Variants in SOCS2 observed in about 807,000 individuals in gnomAD.
The protein encoded by SOCS2 is suppressor of cytokine signaling 2, also known as CIS-2.
In SOCS2, 10 loss-of-function variants were observed where a neutral mutation model predicts 18.6. That is an observed-to-expected ratio of 0.54 (90% CI 0.33 to 0.91). The LOEUF is 0.91. SOCS2 is among the 40% of genes least tolerant of loss of function. The pLI, the probability that SOCS2 is intolerant of heterozygous loss-of-function variation, is 0.02. For missense variants in SOCS2, 231 were observed against 247.2 expected (o/e 0.93, Z 0.44); for synonymous variants, 104 against 104.0 (o/e 1.00, Z 0.00).
At chr12:93,583,408 TAAAGG>T (rs1954564104) in exon 2 of SOCS2, 1 of 152,010 alleles carries the variant, frequency 6.6e-6, no homozygotes, top group Non-Finnish European at 1.5e-5. Context: ...AAGAAAAAAG[TAAAGG>T]AAACAAAAAA....
chr12:93,598,195 G>T, the SOCS2 span, among the ~76,000 whole-genome samples: 1 of 152,194 alleles, frequency 6.6e-6, no homozygotes, highest in South Asian at 2.1e-4. Context: ...AAACCTGATT[G>T]ATGAGAAGGA....
chr12:93,570,012 G>C (rs1318693639), upstream of SOCS2: 1 of 152,238 alleles, frequency 6.6e-6, no homozygotes, highest in Non-Finnish European at 1.5e-5. Context: ...GCGCAGACAA[G>C]GAGATGAGTT....
the SOCS2 span, among the ~76,000 whole-genome samples, chr12:93,593,251 C>T: frequency 7.7e-3 from 1,180 of 152,260 alleles, 18 homozygotes; most frequent in African/African-American, 0.028. Flanking sequence ...GATCCTGCCT[C>T]CAGTGGGATA....
chr12:93,604,534 A>G, the SOCS2 span, among the ~76,000 whole-genome samples: 1 of 152,246 alleles, frequency 6.6e-6, no homozygotes, highest in African/African-American at 2.4e-5. Context: ...CAATGTTTTA[A>G]GAAAAAAAAC....
At chr12:93,571,221 C>T (rs1954240025), upstream of SOCS2, 1 of 152,412 alleles carries the variant, frequency 6.6e-6, no homozygotes, top group Non-Finnish European at 1.5e-5. Flanking sequence ...CGGCAGGTAC[C>T]GGTAGTGGGG....
Position 93,575,159 on chromosome 12 carries a change from G to T in SOCS2, c.577G>T (p.Glu193Ter). ...AACAAGACTAAAAGATTACTTGGAA[G>T]AATATAAATTCCAGGTATAAATGTT... is the stretch of plus-strand genomic sequence containing the variant. ...LPTRLKDYLE[E>*]YKFQV Residue 193 changes from glutamate (E) to a stop codon, truncating the protein, a stop_gained, in exon 2 of 2, where the codon GAA (glutamate) becomes TAA (stop). Coordinates refer to ENST00000551556, the MANE Select transcript of SOCS2 (RefSeq NM_001270471.2). LOFTEE classifies it high-confidence loss of function. 1 of 1,548,240 alleles carries T rather than the reference G, an allele frequency of 6.5e-7. No homozygotes were observed. Among genetic ancestry groups the T allele is most frequent in the East Asian group, 2.3e-5 (1 of 44,422 alleles).
At chr12:93,613,198 A>G in the SOCS2 span, among the ~76,000 whole-genome samples, 1 of 152,236 alleles carries the variant, frequency 6.6e-6, no homozygotes, top group Non-Finnish European at 1.5e-5. Flanking sequence ...TTGAATGAGA[A>G]TAAAGAGCCT....
the SOCS2 span, among the ~76,000 whole-genome samples, chr12:93,625,680 G>A: frequency 2.7e-5 from 4 of 150,438 alleles, no homozygotes; most frequent in African/African-American, 7.4e-5. Context: ...CCTGGGAGGC[G>A]GAGGTTGCAA....
chr12:93,620,486 A>T, the SOCS2 span, among the ~76,000 whole-genome samples: 4 of 151,442 alleles, frequency 2.6e-5, no homozygotes, highest in African/African-American at 9.7e-5. Context: ...CACGATCTCG[A>T]CTCACTGCAA....
the SOCS2 span, among the ~76,000 whole-genome samples, chr12:93,619,357 A>C: frequency 6.6e-6 from 1 of 152,178 alleles, no homozygotes; most frequent in African/African-American, 2.4e-5. Context: ...GCCCCAGAAC[A>C]GGGCAGGAAG....
the SOCS2 span, among the ~76,000 whole-genome samples, chr12:93,617,693 TA>T: frequency 0.05 from 7,298 of 145,022 alleles, 360 homozygotes; most frequent in African/African-American, 0.14. Context: ...CATATAAATG[TA>T]AAAAAAAAAA....
chr12:93,605,414 T>A, the SOCS2 span, among the ~76,000 whole-genome samples: 1 of 152,172 alleles, frequency 6.6e-6, no homozygotes, highest in Admixed American at 6.5e-5. Flanking sequence ...TGTCAGAAAT[T>A]GGGTGGATGA....
At chr12:93,601,325 A>T in the SOCS2 span, among the ~76,000 whole-genome samples, 2 of 151,956 alleles carry the variant, frequency 1.3e-5, no homozygotes, top group Non-Finnish European at 2.9e-5. Context: ...CCCAAGCTGG[A>T]GTGCAGCGGT....
At chr12:93,587,844 C>T (rs1249747097), downstream of SOCS2, among the ~76,000 whole-genome samples, 1 of 152,124 alleles carries the variant, frequency 6.6e-6, no homozygotes, top group African/African-American at 2.4e-5. Context: ...TAGGAGATAA[C>T]CCTAAGTTGG....
At chr12:93,597,283 T>C in the SOCS2 span, among the ~76,000 whole-genome samples, 2 of 152,304 alleles carry the variant, frequency 1.3e-5, no homozygotes, top group Non-Finnish European at 2.9e-5. Flanking sequence ...TTCCTAACCC[T>C]TTGCAGCTGC....
the SOCS2 span, among the ~76,000 whole-genome samples, chr12:93,606,216 A>T: frequency 6.6e-6 from 1 of 152,178 alleles, no homozygotes; most frequent in Non-Finnish European, 1.5e-5. Flanking sequence ...AAAGCTGGGA[A>T]ATTTGGTCTT....
At chr12:93,581,617 G>T (rs1168122400), downstream of SOCS2, among the ~76,000 whole-genome samples, 3 of 152,182 alleles carry the variant, frequency 2.0e-5, no homozygotes, top group South Asian at 2.1e-4. Context: ...TAATAGATCA[G>T]GGCCTCTTTT....
intron 1 of SOCS2, 101 bp from the exon 2 acceptor site, chr12:93,574,621 T>C: frequency 1.3e-6 from 1 of 783,330 alleles, no homozygotes; most frequent in Non-Finnish European, 1.9e-6. Flanking sequence ...TTTTCTTTTT[T>C]AGAGCTAAAA....
At position 93,574,743 on chromosome 12, in the gene SOCS2, C is replaced by A. The variant is rs763643934; in HGVS notation, c.161C>A (p.Thr54Asn). 2 of 1,612,752 alleles carry A rather than the reference C, an allele frequency of 1.2e-6. No homozygotes were observed. Among genetic ancestry groups the A allele is most frequent in the East Asian group, 4.5e-5 (2 of 44,878 alleles). The part of the protein sequence containing the change: ...GQTGWYWGSM[T>N]VNEAKEKLKE... ...CCAGGATGGTACTGGGGAAGTATGA[C>A]TGTTAATGAAGCCAAAGAGAAATTA... is the stretch of plus-strand genomic sequence containing the variant. The change falls in exon 2 of 2, where the codon ACT becomes AAT. Residue 54 changes from threonine (T) to asparagine (N), a missense_variant. Thr to Asn is a moderately conservative substitution (Grantham distance 65). Transcript: ENST00000551556.
Sources: gnomAD v4.1 joint callset for allele counts (sites outside exome capture counted in the v4.1 genomes callset) on GRCh38, gnomAD v4.1.1 for gene constraint, MANE v1.5 for transcripts, NCBI Gene and HGNC (gene_info 2026-07-23, HGNC 2026-07-21) for gene names.